The following COLEC10 variants were observed in gnomAD, a reference collection of about 807,000 sequenced individuals.
COLEC10 encodes collectin subfamily member 10, also known as collectin-10.
A neutral mutation model predicts 28.4 loss-of-function variants in COLEC10; 22 were observed. The ratio of observed to expected loss-of-function variants is 0.78; its 90% CI spans 0.55 to 1.11. COLEC10 has a LOEUF of 1.11. COLEC10 is among the 50% of genes least tolerant of loss of function. The probability of loss-of-function intolerance (pLI) is 0.00; values close to 1 mark genes in which losing one functional copy is unlikely to be tolerated. For synonymous variants in COLEC10, 125 were observed against 116.1 expected, an observed-to-expected ratio of 1.08 and a Z score of -0.49; for missense variants, 361 against 344.1, an observed-to-expected ratio of 1.05 and a Z score of -0.39.
At chr8:119,052,799 T>G (rs560283401) in intron 2 of COLEC10, among the ~76,000 whole-genome samples, 1 of 152,260 alleles carries the variant, frequency 6.6e-6, no homozygotes, top group African/African-American at 2.4e-5. Context: ...AAAAAGTATT[T>G]TATTTTAGAA....
At chr8:119,015,728 C>A (rs1305856931) in intron 2 of COLEC10, among the ~76,000 whole-genome samples, 3 of 152,138 alleles carry the variant, frequency 2.0e-5, no homozygotes, top group African/African-American at 7.2e-5. Context: ...CTATGTCTGT[C>A]TCTCCAATTT....
chr8:118,978,022 G>A, the COLEC10 span, among the ~76,000 whole-genome samples: 1 of 151,782 alleles, frequency 6.6e-6, no homozygotes, highest in Admixed American at 6.6e-5. Flanking sequence ...GTAAGAACTA[G>A]GAAGACATAA....
At chr8:119,084,686 T>C (rs1478201550) in intron 1 of COLEC10, among the ~76,000 whole-genome samples, 1 of 152,226 alleles carries the variant, frequency 6.6e-6, no homozygotes, top group Non-Finnish European at 1.5e-5. Flanking sequence ...TATAGGAGTT[T>C]GTTCTTACCC....
At chr8:119,080,282 T>C (rs140640464) in intron 1 of COLEC10, among the ~76,000 whole-genome samples, 1 of 152,268 alleles carries the variant, frequency 6.6e-6, no homozygotes, top group African/African-American at 2.4e-5. Context: ...GCTTGGTAGC[T>C]AGTAGAAATG....
chr8:119,064,577 T>G (rs144169553), upstream of COLEC10, among the ~76,000 whole-genome samples: 1 of 152,320 alleles, frequency 6.6e-6, no homozygotes, highest in East Asian at 1.9e-4. Flanking sequence ...TGTGATTTGC[T>G]CTATGTCACA....
chr8:119,100,870 G>A (rs1189293405), intron 3 of COLEC10, among the ~76,000 whole-genome samples: 1 of 152,128 alleles, frequency 6.6e-6, no homozygotes, highest in African/African-American at 2.4e-5. Context: ...TTCTGTTTGG[G>A]GAGCACGTGA....
chr8:119,088,680 C>T (rs1049224991), intron 1 of COLEC10, among the ~76,000 whole-genome samples: 2 of 152,156 alleles, frequency 1.3e-5, no homozygotes, highest in East Asian at 3.8e-4. Context: ...GTCATAATAT[C>T]GTGTGTGTTG....
intron 1 of COLEC10, among the ~76,000 whole-genome samples, chr8:119,086,706 A>T (rs1815487671): frequency 1.3e-5 from 2 of 152,242 alleles, no homozygotes; most frequent in South Asian, 4.1e-4. Flanking sequence ...TAGAAGGGGA[A>T]GAAGGAAGGA....
Position 119,106,015 on chromosome 8 carries a change from T to C in COLEC10, c.658T>C (p.Tyr220His). Residue 220 changes from tyrosine (Y) to histidine (H), a missense_variant, in exon 6 of 6, where the codon TAC becomes CAC. Physicochemically the swap from Tyr to His is moderately conservative, Grantham distance 83. Coordinates refer to ENST00000332843, the MANE Select transcript of COLEC10 (RefSeq NM_006438.5). Reference sequence around the variant, plus strand: ...GAATGACCTTGAAAGGGAGGGACAGTACATGTTCACAGACAACACTCCACT... The same window carrying C: ...GAATGACCTTGAAAGGGAGGGACAGCACATGTTCACAGACAACACTCCACT... ...GVNDLEREGQ[Y>H]MFTDNTPLQN... The C allele has an allele frequency of 6.2e-7, 1 of 1,613,810 alleles. No individual in the cohort carries two copies. The highest frequency in any genetic ancestry group is 8.5e-7 in the Non-Finnish European group (1 of 1,179,878).
chr8:118,963,391 A>G, the COLEC10 span, among the ~76,000 whole-genome samples: 1 of 152,168 alleles, frequency 6.6e-6, no homozygotes, highest in Non-Finnish European at 1.5e-5. Context: ...TAATATTTCT[A>G]TTCTTTATGA....
At chr8:119,021,079 C>CA (rs1313363518) in intron 2 of COLEC10, among the ~76,000 whole-genome samples, 1 of 152,068 alleles carries the variant, frequency 6.6e-6, no homozygotes, top group Non-Finnish European at 1.5e-5. Context: ...CAGTAAGCAA[C>CA]ATTTTAAGGA....
At chr8:118,987,135 C>G in the COLEC10 span, among the ~76,000 whole-genome samples, 7 of 152,164 alleles carry the variant, frequency 4.6e-5, no homozygotes, top group East Asian at 1.4e-3. Flanking sequence ...CGGAACTGTT[C>G]CTGGAGAGTG....
intron 5 of COLEC10, among the ~76,000 whole-genome samples, chr8:119,104,846 G>A (rs146917251): frequency 6.6e-6 from 1 of 152,136 alleles, no homozygotes; most frequent in South Asian, 2.1e-4. Flanking sequence ...GGAGAACATA[G>A]AGCAATAGTT....
In COLEC10 at chr8:119,106,089, T is replaced by G; in HGVS notation, c.732T>G (p.Gly244=). ...WNEGEPSDPY[G]HEDCVEMLSS... ...AGGGGGAACCCAGCGACCCCTATGGTCATGAGGACTGTGTGGAGATGCTGA... is the reference window on the plus strand; with the variant it reads ...AGGGGGAACCCAGCGACCCCTATGGGCATGAGGACTGTGTGGAGATGCTGA... The change falls in exon 6 of 6, where the codon GGT becomes GGG. Residue 244 remains glycine, a synonymous_variant. Transcript: ENST00000332843. 6.2e-7 allele frequency: 1 copy of G among 1,613,882 alleles called. No individual in the cohort carries two copies. The highest frequency in any genetic ancestry group is 1.1e-5 in the South Asian group (1 of 91,074).
At chr8:118,988,301 A>G in the COLEC10 span, among the ~76,000 whole-genome samples, 1 of 152,190 alleles carries the variant, frequency 6.6e-6, no homozygotes, top group African/African-American at 2.4e-5. Context: ...AGACAGGGGT[A>G]GGGGAGAGTA....
chr8:119,089,169 G>A (rs1350741506), intron 1 of COLEC10, among the ~76,000 whole-genome samples: 1 of 152,172 alleles, frequency 6.6e-6, no homozygotes. Context: ...AGGTGCTGGA[G>A]CTACAGTTGC....
intron 2 of COLEC10, among the ~76,000 whole-genome samples, chr8:119,054,204 C>T (rs940693667): frequency 6.6e-6 from 1 of 152,090 alleles, no homozygotes; most frequent in Non-Finnish European, 1.5e-5. Context: ...GAGATTTCAT[C>T]ATGCTACTCA....
intron 1 of COLEC10, among the ~76,000 whole-genome samples, chr8:119,077,142 G>C (rs1418223038): frequency 1.3e-5 from 2 of 151,954 alleles, no homozygotes; most frequent in Non-Finnish European, 1.5e-5. Context: ...ACAAAGGCAA[G>C]GGATATGACC....
chr8:118,952,422 G>A, the COLEC10 span, among the ~76,000 whole-genome samples: 2 of 152,238 alleles, frequency 1.3e-5, no homozygotes, highest in East Asian at 3.9e-4. Flanking sequence ...TTCACTTCGG[G>A]TTCTGAAACC....
Sources: gnomAD v4.1 joint callset for allele counts (sites outside exome capture counted in the v4.1 genomes callset) on GRCh38, gnomAD v4.1.1 for gene constraint, MANE v1.5 for transcripts, NCBI Gene and HGNC (gene_info 2026-07-23, HGNC 2026-07-21) for gene names.